Variants in ASH2L observed in about 807,000 individuals in gnomAD.
ASH2L encodes set1/Ash2 histone methyltransferase complex subunit ASH2.
Under a neutral mutation model 81.1 loss-of-function variants are expected in ASH2L, and 30 were observed. The ratio of observed to expected loss-of-function variants is 0.37; its 90% CI spans 0.28 to 0.50. The LOEUF (loss-of-function observed/expected upper bound fraction) is 0.50. Ranked by LOEUF, ASH2L falls within the 20% of genes least tolerant of loss-of-function variation. ASH2L has a pLI of 0.95. For synonymous variants in ASH2L, 273 were observed against 279.9 expected, an observed-to-expected ratio of 0.98 and a Z score of 0.24; for missense variants, 559 against 792.1, an observed-to-expected ratio of 0.71 and a Z score of 3.53.
chr8:38,107,925 T>C (rs748033890), intron 3 of ASH2L, among the ~76,000 whole-genome samples: 3 of 150,954 alleles, frequency 2.0e-5, no homozygotes, highest in Admixed American at 6.7e-5. Flanking sequence ...TATATATACA[T>C]ATATATATGT....
chr8:38,138,978 C>G lies in ASH2L; in HGVS notation c.1794C>G (p.Gly598=). 1 of 1,613,946 alleles carries G rather than the reference C, an allele frequency of 6.2e-7. No homozygotes were observed. The change falls in exon 16 of 16, where the codon GGC becomes GGG. Residue 598 remains glycine (G), a synonymous_variant. Transcript: ENST00000343823. ...TCCTCCTGCAGATGAGTGACATGGG[C>G]TGGGGCGCCGTGGTAGAGCACACCC... is the stretch of plus-strand genomic sequence containing the variant. ...DLTYRPMSDM[G]WGAVVEHTLA...
intron 8 of ASH2L, chr8:38,119,041 C>T (rs117613316): frequency 0.015 from 6,591 of 429,502 alleles, 82 homozygotes; most frequent in Non-Finnish European, 0.02. Flanking sequence ...ACCCAACCAT[C>T]ATAGTGCTGG....
At chr8:38,120,448 T>G (rs568547092) in intron 9 of ASH2L, among the ~76,000 whole-genome samples, 4 of 152,246 alleles carry the variant, frequency 2.6e-5, no homozygotes, top group Non-Finnish European at 4.4e-5. Context: ...GGAGTTTTGC[T>G]CTATCACCCA....
intron 5 of ASH2L, among the ~76,000 whole-genome samples, chr8:38,113,773 G>T (rs1192880452): frequency 6.6e-6 from 1 of 152,218 alleles, no homozygotes; most frequent in Non-Finnish European, 1.5e-5. Flanking sequence ...GATTTATGAG[G>T]TAATATACCA....
intron 8 of ASH2L, among the ~76,000 whole-genome samples, chr8:38,117,052 T>C (rs1485120397): frequency 6.6e-6 from 1 of 152,232 alleles, no homozygotes; most frequent in Non-Finnish European, 1.5e-5. Flanking sequence ...TCCACTCTTT[T>C]TCTGCAATTC....
chr8:38,120,647 C>G (rs1194446929), intron 9 of ASH2L, among the ~76,000 whole-genome samples: 1 of 133,282 alleles, frequency 7.5e-6, no homozygotes, highest in Non-Finnish European at 1.6e-5. Flanking sequence ...GCATAATGTA[C>G]CAGCTCAGTT....
intron 10 of ASH2L, among the ~76,000 whole-genome samples, chr8:38,127,830 G>A (rs988291228): frequency 1.1e-4 from 16 of 149,916 alleles, no homozygotes; most frequent in African/African-American, 3.4e-4. Context: ...GGCAGATCAC[G>A]AGGTCAGGAG....
At chr8:38,133,213 A>T (rs1171111911) in intron 12 of ASH2L, among the ~76,000 whole-genome samples, 1 of 152,144 alleles carries the variant, frequency 6.6e-6, no homozygotes, top group African/African-American at 2.4e-5. Context: ...GCATGTATGT[A>T]TTATGTATTT....
intron 1 of ASH2L, 56 bp downstream of exon 1, chr8:38,105,794 T>G: frequency 6.7e-7 from 1 of 1,488,888 alleles, no homozygotes; most frequent in Non-Finnish European, 8.9e-7. Context: ...CCCTCGCGAA[T>G]CCCGCGGCTC....
chr8:38,113,399 C>T (rs1049358963), intron 5 of ASH2L, among the ~76,000 whole-genome samples: 1 of 152,140 alleles, frequency 6.6e-6, no homozygotes, highest in Non-Finnish European at 1.5e-5. Flanking sequence ...CTTTCTGGAA[C>T]AACAAAATAT....
chr8:38,121,466 T>C (rs1014736929), intron 10 of ASH2L, among the ~76,000 whole-genome samples: 1 of 151,032 alleles, frequency 6.6e-6, no homozygotes. Flanking sequence ...AAGCTTTTCC[T>C]AATGATAATA....
intron 13 of ASH2L, among the ~76,000 whole-genome samples, chr8:38,134,112 G>A (rs1585609353): frequency 6.6e-6 from 1 of 152,140 alleles, no homozygotes; most frequent in South Asian, 2.1e-4. Context: ...TTAAACAGAT[G>A]CTTGAAGGCA....
At position 38,129,105 on chromosome 8, in the gene ASH2L, G is replaced by A. The variant is rs116683367; in HGVS notation, c.1527+154G>A. On this transcript the variant is annotated intron_variant, in intron 12 of 15. Coordinates refer to ENST00000343823, the MANE Select transcript of ASH2L (RefSeq NM_004674.5). ...CATTTTCAGAATAACAGTAACAATCGGTGCACAAATAGTCATCCATTCATT... is the reference window on the plus strand; with the variant it reads ...CATTTTCAGAATAACAGTAACAATCAGTGCACAAATAGTCATCCATTCATT... Among the ~76,000 whole-genome samples, 1,217 of 152,090 alleles carry A rather than the reference G, an allele frequency of 8.0e-3. 28 individuals carry two copies. The highest frequency in any genetic ancestry group is 0.027 in the African/African-American group (1,125 of 41,472).
At position 38,110,838 on chromosome 8, in the gene ASH2L, A is replaced by G. The variant is rs768183292; in HGVS notation, c.585+5A>G. The G allele has an allele frequency of 6.2e-7, 1 of 1,610,198 alleles. No individual in the cohort carries two copies. The highest frequency in any genetic ancestry group is 2.2e-5 in the East Asian group (1 of 44,876). ...ACAATGTTCTCCAAAGATAAGGTAG[A>G]GGTGGAACTAATGTGATTGCAGTTA... On this transcript the variant is annotated splice_donor_5th_base_variant and intron_variant, in intron 5 of 15. Transcript: ENST00000343823.
intron 3 of ASH2L, among the ~76,000 whole-genome samples, chr8:38,109,063 G>A (rs1200388570): frequency 6.6e-6 from 1 of 152,150 alleles, no homozygotes; most frequent in East Asian, 1.9e-4. Flanking sequence ...CTGGGTAACA[G>A]AGTGATACCC....
intron 12 of ASH2L, among the ~76,000 whole-genome samples, chr8:38,130,617 T>C (rs149848286): frequency 0.01 from 1,537 of 152,148 alleles, 38 homozygotes; most frequent in African/African-American, 0.034. Flanking sequence ...TTTTTTTCTT[T>C]AGATGGAGTC....
chr8:38,107,218 A>G, intron 3 of ASH2L, 52 bp downstream of exon 3: 1 of 1,604,186 alleles, frequency 6.2e-7, no homozygotes, highest in East Asian at 2.2e-5. Flanking sequence ...ATAAATCTGA[A>G]CATGCTCAAC....
At chr8:38,110,261 A>C in intron 3 of ASH2L, 118 bp from the exon 4 acceptor site, 1 of 762,338 alleles carries the variant, frequency 1.3e-6, no homozygotes, top group African/African-American at 1.7e-5. Flanking sequence ...GCAGTGAGCT[A>C]TGATTGCACC....
At chr8:38,107,866 A>ATGTGTGTGTG (rs1276322577) in intron 3 of ASH2L, among the ~76,000 whole-genome samples, 7 of 105,998 alleles carry the variant, frequency 6.6e-5, no homozygotes, top group African/African-American at 2.3e-4. Context: ...AGAAATACAT[A>ATGTGTGTGTG]TATGTGTGTG....
Sources: gnomAD v4.1 joint callset for allele counts (sites outside exome capture counted in the v4.1 genomes callset) on GRCh38, gnomAD v4.1.1 for gene constraint, MANE v1.5 for transcripts, NCBI Gene and HGNC (gene_info 2026-07-23, HGNC 2026-07-21) for gene names.